MDGA2: variants seen among roughly 807,000 people sequenced by gnomAD.
MDGA2 encodes the protein MAM domain containing glycosylphosphatidylinositol anchor 2.
MDGA2 carries 40 observed loss-of-function variants against 117.8 expected under a neutral mutation model. That is an observed-to-expected ratio of 0.34 (90% CI 0.26 to 0.44). The LOEUF (loss-of-function observed/expected upper bound fraction) is 0.44. Ranked by LOEUF, MDGA2 falls within the 20% of genes least tolerant of loss-of-function variation. The pLI is 1.00. For synonymous variants in MDGA2, 452 were observed against 439.0 expected, an observed-to-expected ratio of 1.03 and a Z score of -0.37; for missense variants, 1,123 against 1,250.6, an observed-to-expected ratio of 0.90 and a Z score of 1.54.
At chr14:47,669,527 T>C (rs1898037675) in intron 1 of MDGA2, among the ~76,000 whole-genome samples, 1 of 152,140 alleles carries the variant, frequency 6.6e-6, no homozygotes, top group African/African-American at 2.4e-5. Flanking sequence ...AATCTGCCCA[T>C]TTTGCATGTG....
At chr14:47,613,064 C>A (rs1218784253) in intron 1 of MDGA2, among the ~76,000 whole-genome samples, 1 of 152,112 alleles carries the variant, frequency 6.6e-6, no homozygotes, top group Non-Finnish European at 1.5e-5. Context: ...TTTTAAGCAC[C>A]TTCCAAACAC....
chr14:47,598,330 T>C (rs933205584), intron 1 of MDGA2, among the ~76,000 whole-genome samples: 87 of 152,296 alleles, frequency 5.7e-4, no homozygotes, highest in African/African-American at 2.1e-3. Flanking sequence ...CAGGTACATA[T>C]TCAAAATAAC....
At chr14:47,456,717 G>A (rs12588764) in intron 1 of MDGA2, among the ~76,000 whole-genome samples, 28,515 of 152,054 alleles carry the variant, frequency 0.19, 3,382 homozygotes, top group East Asian at 0.53. Context: ...AAATGCACAC[G>A]ATTAAATGGA....
intron 14 of MDGA2, among the ~76,000 whole-genome samples, chr14:46,868,534 C>G (rs1226549961): frequency 1.3e-5 from 2 of 151,832 alleles, no homozygotes; most frequent in African/African-American, 2.4e-5. Flanking sequence ...AAGGAAAAGC[C>G]AGAGGGGCAT....
At chr14:47,528,259 C>T (rs942900211) in intron 1 of MDGA2, among the ~76,000 whole-genome samples, 10 of 152,098 alleles carry the variant, frequency 6.6e-5, no homozygotes, top group Admixed American at 6.5e-4. Context: ...CCACCATGCT[C>T]TCATTCAATC....
At chr14:47,351,572 G>A (rs1216394875) in intron 1 of MDGA2, among the ~76,000 whole-genome samples, 1 of 152,150 alleles carries the variant, frequency 6.6e-6, no homozygotes, top group Non-Finnish European at 1.5e-5. Context: ...TACAGGGTCT[G>A]AAAATCGTCT....
At position 47,131,842 on chromosome 14, in the gene MDGA2, T is replaced by C. The variant is rs745544443; in HGVS notation, c.797A>G (p.Glu266Gly). ...ATTCTTTAGTTTTAAGATCTTTGTTTCACCCTGAAAATGTACACAAAAAAT... is the reference window on the plus strand; with the variant it reads ...ATTCTTTAGTTTTAAGATCTTTGTTCCACCCTGAAAATGTACACAAAAAAT... ...EIYEPFFTQG[E>G]TKILKLKNLR... The change falls in exon 5 of 17, where the codon GAA becomes GGA. Residue 266 changes from glutamate to glycine, a missense_variant. Coordinates refer to ENST00000399232, the MANE Select transcript of MDGA2 (RefSeq NM_001113498.3). 6.4e-7 allele frequency: 1 copy of C among 1,572,378 alleles called. No individual in the cohort carries two copies. The highest frequency in any genetic ancestry group is 2.3e-5 in the East Asian group (1 of 44,208).
Position 47,367,302 on chromosome 14 carries a change from T to C in MDGA2, c.281-65752A>G, listed in dbSNP as rs193178563. On this transcript the variant is annotated intron_variant, in intron 1 of 16. Coordinates refer to ENST00000399232, the MANE Select transcript of MDGA2 (RefSeq NM_001113498.3). Reference sequence around the variant, plus strand: ...GAATTTTCTAAACAATTTAAATCTTTCCTATAGATTGCTATCCCTAAAAAT... The same window carrying C: ...GAATTTTCTAAACAATTTAAATCTTCCCTATAGATTGCTATCCCTAAAAAT... Among the ~76,000 whole-genome samples the C allele has an allele frequency of 2.6e-3, 402 of 152,286 alleles. 1 individual carries two copies. The highest frequency in any genetic ancestry group is 9.2e-3 in the African/African-American group (382 of 41,560).
At chr14:47,062,986 G>C (rs1889947241) in intron 6 of MDGA2, among the ~76,000 whole-genome samples, 1 of 151,958 alleles carries the variant, frequency 6.6e-6, no homozygotes, top group Non-Finnish European at 1.5e-5. Flanking sequence ...TCCTCCTCAA[G>C]ACTAGCCACT....
chr14:47,420,473 CA>C (rs1256462929), intron 1 of MDGA2, among the ~76,000 whole-genome samples: 1 of 151,740 alleles, frequency 6.6e-6, no homozygotes, highest in Non-Finnish European at 1.5e-5. Flanking sequence ...TTGAAGATAG[CA>C]AAAGCAAAAA....
intron 1 of MDGA2, among the ~76,000 whole-genome samples, chr14:47,649,981 T>C (rs1201709395): frequency 5.9e-5 from 9 of 152,110 alleles, no homozygotes; most frequent in Non-Finnish European, 2.9e-5. Flanking sequence ...AACTTTAGTC[T>C]AAGTGCTTCT....
chr14:47,410,163 T>A (rs1892342988), intron 1 of MDGA2, among the ~76,000 whole-genome samples: 1 of 145,548 alleles, frequency 6.9e-6, no homozygotes, highest in Non-Finnish European at 1.5e-5. Context: ...AAGACATGCC[T>A]ATAAGTTAAT....
chr14:46,917,165 A>G (rs781736461), intron 10 of MDGA2, among the ~76,000 whole-genome samples: 25 of 152,214 alleles, frequency 1.6e-4, no homozygotes, highest in African/African-American at 2.4e-4. Context: ...TAGGTTTGAA[A>G]TGAAAATGAG....
At chr14:47,316,535 T>C (rs975520076) in intron 1 of MDGA2, among the ~76,000 whole-genome samples, 12 of 152,042 alleles carry the variant, frequency 7.9e-5, no homozygotes, top group African/African-American at 2.9e-4. Context: ...ACTTGTTTAA[T>C]TAAGTACTAT....
At chr14:47,581,534 TAC>T (rs1269879122) in intron 1 of MDGA2, among the ~76,000 whole-genome samples, 2 of 152,020 alleles carry the variant, frequency 1.3e-5, no homozygotes, top group African/African-American at 4.8e-5. Flanking sequence ...ATGAAATACG[TAC>T]AGTGCATATT....
intron 1 of MDGA2, among the ~76,000 whole-genome samples, chr14:47,603,620 T>C (rs1222532200): frequency 1.3e-5 from 2 of 152,050 alleles, no homozygotes; most frequent in African/African-American, 4.8e-5. Context: ...TCATAGTCTC[T>C]CTCTCTCTCT....
intron 1 of MDGA2, among the ~76,000 whole-genome samples, chr14:47,512,434 A>G (rs778050284): frequency 6.6e-6 from 1 of 152,104 alleles, no homozygotes; most frequent in Non-Finnish European, 1.5e-5. Flanking sequence ...AATCACTCAT[A>G]AAGACTCAAA....
intron 1 of MDGA2, among the ~76,000 whole-genome samples, chr14:47,535,837 A>C (rs1382588135): frequency 1.3e-5 from 2 of 152,206 alleles, no homozygotes; most frequent in Non-Finnish European, 2.9e-5. Flanking sequence ...CAAACCACCC[A>C]CAAACTCAGT....
At chr14:47,383,383 G>A (rs1357744366) in intron 1 of MDGA2, among the ~76,000 whole-genome samples, 2 of 151,980 alleles carry the variant, frequency 1.3e-5, no homozygotes, top group South Asian at 4.2e-4. Flanking sequence ...TGGATTACTT[G>A]GTAGTGCCTA....
Sources: gnomAD v4.1 joint callset for allele counts (sites outside exome capture counted in the v4.1 genomes callset) on GRCh38, gnomAD v4.1.1 for gene constraint, MANE v1.5 for transcripts, NCBI Gene and HGNC (gene_info 2026-07-23, HGNC 2026-07-21) for gene names.